Variants in MTMR9 observed in about 807,000 individuals in gnomAD.
MTMR9 encodes the protein myotubularin-related protein 9.
A neutral mutation model predicts 69.5 loss-of-function variants in MTMR9; 39 were observed. The observed-to-expected ratio is 0.56, with a 90% CI of 0.43 to 0.73. The LOEUF (loss-of-function observed/expected upper bound fraction) is 0.73, where lower values mean the gene tolerates loss of function less well. Among genes scored for constraint, MTMR9 ranks in the 30% least tolerant of loss-of-function variants. MTMR9 has a pLI of 0.00. For synonymous variants in MTMR9, 354 were observed against 240.8 expected (o/e 1.47, Z -4.35); for missense variants, 900 against 671.2 (o/e 1.34, Z -3.77).
intron 6 of MTMR9, 61 bp from the exon 7 acceptor site, chr8:11,314,862 C>G: frequency 1.3e-6 from 2 of 1,533,234 alleles, no homozygotes; most frequent in Non-Finnish European, 1.8e-6. Flanking sequence ...TTGTTATTAA[C>G]AGAGTTCATT....
chr8:11,317,205 C>G (rs1444333523), intron 8 of MTMR9: 2 of 172,052 alleles, frequency 1.2e-5, no homozygotes, highest in East Asian at 1.5e-4. Flanking sequence ...TAATTCAGGT[C>G]TTCCCTCTAA....
chr8:11,294,570 C>T (rs1313090659), intron 1 of MTMR9, among the ~76,000 whole-genome samples: 2 of 138,982 alleles, frequency 1.4e-5, no homozygotes, highest in Non-Finnish European at 3.0e-5. Context: ...GGCTCAGACT[C>T]GGCTCACTGC....
rs1192425872 is a variant in MTMR9, at chr8:11,326,538, T to C, written c.*3750T>C. On this transcript the variant is annotated 3_prime_UTR_variant, in exon 10 of 10. Transcript: ENST00000221086. ...AGAACTGAAGAGGTTCAGAGAACTT[T>C]CCAGGTTTATACTATACCTCAAGAC... The C allele has an allele frequency of 6.6e-6, 1 of 152,202 alleles. No homozygotes were observed. Among genetic ancestry groups the C allele is most frequent in the African/African-American group, 2.4e-5 (1 of 41,428 alleles). The allele number at this position is 152,202 out of a possible 1,614,324, so 9.4% of individuals were successfully genotyped here. A position where few individuals can be genotyped will look rare whatever the true frequency, so the allele number is the denominator to read the frequency against.
chr8:11,304,940 C>T lies in MTMR9; in HGVS notation c.517C>T (p.Leu173Phe). The part of the protein sequence containing the change: ...TVPKSIDDEA[L>F]RKVATFRHGG... ...GCCCAAATCCATCGATGATGAAGCT[C>T]TTCGGAAGGTAGCTACATTTCGACA... The change falls in exon 4 of 10, where the codon CTT becomes TTT. Residue 173 changes from leucine (L) to phenylalanine (F), a missense_variant. By Grantham distance (22) the Leu-to-Phe change is conservative. Coordinates refer to ENST00000221086, the MANE Select transcript of MTMR9 (RefSeq NM_015458.4). The T allele has an allele frequency of 6.2e-7, 1 of 1,614,032 alleles. No homozygotes were observed. Among genetic ancestry groups the T allele is most frequent in the Non-Finnish European group, 8.5e-7 (1 of 1,179,916 alleles).
chr8:11,335,419 G>T, the MTMR9 span, among the ~76,000 whole-genome samples: 2 of 151,870 alleles, frequency 1.3e-5, no homozygotes, highest in Admixed American at 6.6e-5. Flanking sequence ...AATCAGAGAT[G>T]AACTAAATAA....
downstream of MTMR9, among the ~76,000 whole-genome samples, chr8:11,330,639 G>C (rs531591975): frequency 6.6e-6 from 1 of 152,240 alleles, no homozygotes; most frequent in Non-Finnish European, 1.5e-5. Flanking sequence ...GCTCTCTGGG[G>C]CATGTGCTGT....
Position 11,300,138 on chromosome 8 carries a change from A to G in MTMR9, c.407A>G (p.Tyr136Cys), listed in dbSNP as rs761536304. The G allele has an allele frequency of 1.3e-5, 21 of 1,612,972 alleles. No homozygotes were observed. Among genetic ancestry groups the G allele is most frequent in the African/African-American group, 2.7e-5 (2 of 74,888 alleles). The change falls in exon 3 of 10, where the codon TAT becomes TGT. Residue 136 changes from tyrosine (Y) to cysteine (C), a missense_variant. Coordinates refer to ENST00000221086, the MANE Select transcript of MTMR9 (RefSeq NM_015458.4). ...CTTCCTGAGCAAGAATTTGAACTCT[A>G]TTCTTCAGCTGTGAGTTAACTTTTG... is the stretch of plus-strand genomic sequence containing the variant. ...SFLPEQEFEL[Y>C]SSATSEWRLS... is the part of the protein sequence containing the mutation.
chr8:11,297,214 T>C (rs1208812586), intron 2 of MTMR9, among the ~76,000 whole-genome samples: 2 of 152,154 alleles, frequency 1.3e-5, no homozygotes, highest in Non-Finnish European at 1.5e-5. Flanking sequence ...GAAGTAGGAT[T>C]TTAGTGATTT....
chr8:11,331,938 C>T (rs748365495), downstream of MTMR9: 3 of 1,612,024 alleles, frequency 1.9e-6, no homozygotes, highest in South Asian at 2.2e-5. Flanking sequence ...CACCAAGGCC[C>T]ACCCTGCCCT....
In MTMR9 at chr8:11,301,595, CAG is replaced by C. The variant is rs544186416; in HGVS notation, c.417+1451_417+1452del. ...AAAATCTTTATGACCTTCAGTTAGA[CAG>C]AGATTTTTTAGATATGACACCAAAA... On this transcript the variant is annotated intron_variant, in intron 3 of 9. Coordinates refer to ENST00000221086, the MANE Select transcript of MTMR9 (RefSeq NM_015458.4). Among the ~76,000 whole-genome samples, 503 of 152,274 alleles carry C rather than the reference CAG, an allele frequency of 3.3e-3. 1 individual carries two copies. Among genetic ancestry groups the C allele is most frequent in the African/African-American group, 0.012 (482 of 41,552 alleles).
chr8:11,306,888 C>A (rs960804054), intron 5 of MTMR9, among the ~76,000 whole-genome samples: 2 of 152,150 alleles, frequency 1.3e-5, no homozygotes, highest in African/African-American at 4.8e-5. Flanking sequence ...GCTACTTTCT[C>A]TTCCTCTGGC....
rs776498985 is a variant in MTMR9 at position 11,300,044 on chromosome 8, A to G, written c.313A>G (p.Ile105Val). Reference sequence around the variant, plus strand: ...CCAGGCATTGTCTACTCTGGACTCCATCACTCTGATGTACCCTTTCTTTTA... The same window carrying G: ...CCAGGCATTGTCTACTCTGGACTCCGTCACTCTGATGTACCCTTTCTTTTA... ...SIEALSTLDS[I>V]TLMYPFFYRP... is the part of the protein sequence containing the mutation. The change falls in exon 3 of 10, where the codon ATC (isoleucine) becomes GTC (valine). Residue 105 changes from isoleucine to valine, a missense_variant. Physicochemically the swap from Ile to Val is conservative, Grantham distance 29 (BLOSUM62 3). Transcript: ENST00000221086. 7 of 1,613,436 alleles carry G rather than the reference A, an allele frequency of 4.3e-6. No individual in the cohort carries two copies. The Admixed American group carries it at 1.2e-4, about 27-fold the overall frequency.
chr8:11,306,491 G>A, intron 5 of MTMR9, 84 bp downstream of exon 5: 1 of 1,236,668 alleles, frequency 8.1e-7, no homozygotes. Flanking sequence ...AATCACAAGT[G>A]CTCAAATTAA....
rs1481013893 is a variant in MTMR9, at chr8:11,306,183, C to G, written c.592-7C>G. ...CTGTTGAATTTTCAGCTTTATTATG[C>G]TTCTAGGTAATTATGCGAAGTGGTC... is the stretch of plus-strand genomic sequence containing the variant. On this transcript the variant is annotated splice_region_variant and splice_polypyrimidine_tract_variant and intron_variant, in intron 4 of 9. Coordinates refer to ENST00000221086, the MANE Select transcript of MTMR9 (RefSeq NM_015458.4). 1 of 1,611,580 alleles carries G rather than the reference C, an allele frequency of 6.2e-7. No individual in the cohort carries two copies.
intron 5 of MTMR9, 117 bp downstream of exon 5, chr8:11,306,524 A>G (rs756904384): frequency 4.6e-5 from 39 of 850,436 alleles, no homozygotes; most frequent in Non-Finnish European, 5.4e-5. Flanking sequence ...TTTAGGGTCA[A>G]TGATGGGCTA....
At position 11,325,923 on chromosome 8, in the gene MTMR9, A is replaced by G. The variant is rs1800911652; in HGVS notation, c.*3135A>G. 1 of 152,302 alleles carries G rather than the reference A, an allele frequency of 6.6e-6. No homozygotes were observed. The highest frequency in any genetic ancestry group is 2.1e-4 in the South Asian group (1 of 4,828). The allele number at this position is 152,302 out of a possible 1,614,324, so 9.4% of individuals were successfully genotyped here. ...TTTGAGAAGACTTGGGGGGGACAATAATAGACATTCATGTCAGATCCCATA... is the reference window on the plus strand; with the variant it reads ...TTTGAGAAGACTTGGGGGGGACAATGATAGACATTCATGTCAGATCCCATA... On this transcript the variant is annotated 3_prime_UTR_variant, in exon 10 of 10. Coordinates refer to ENST00000221086, the MANE Select transcript of MTMR9 (RefSeq NM_015458.4).
rs1236086543 is a variant in MTMR9, at chr8:11,326,808, A to G, written c.*4020A>G. ...ACACGGTGAAAACCCATGTCTACTA[A>G]AAATACAAAAAATTAGCCAGGTGTG... On this transcript the variant is annotated 3_prime_UTR_variant, in exon 10 of 10. Transcript: ENST00000221086. The G allele has an allele frequency of 6.6e-6, 1 of 152,232 alleles. No individual in the cohort carries two copies. Among genetic ancestry groups the G allele is most frequent in the East Asian group, 1.9e-4 (1 of 5,190 alleles). The allele number at this position is 152,232 out of a possible 1,614,324, so 9.4% of individuals were successfully genotyped here.
At chr8:11,309,871 G>C (rs1387880045) in intron 6 of MTMR9, among the ~76,000 whole-genome samples, 183 bp downstream of exon 6, 1 of 152,006 alleles carries the variant, frequency 6.6e-6, no homozygotes, top group Non-Finnish European at 1.5e-5. Context: ...GATAATGTTT[G>C]TTTCATAAAT....
Position 11,325,616 on chromosome 8 carries a change from C to T in MTMR9, c.*2828C>T, listed in dbSNP as rs1324358018. 1 of 151,540 alleles carries T rather than the reference C, an allele frequency of 6.6e-6. No homozygotes were observed. Among genetic ancestry groups the T allele is most frequent in the Non-Finnish European group, 1.5e-5 (1 of 67,952 alleles). The allele number at this position is 151,540 out of a possible 1,614,324, so 9.4% of individuals were successfully genotyped here. ...TTAAAATACAAAGGATCACCACAAT[C>T]CTCTATTGAACATATAAGGATCCTC... On this transcript the variant is annotated 3_prime_UTR_variant, in exon 10 of 10. Coordinates refer to ENST00000221086, the MANE Select transcript of MTMR9 (RefSeq NM_015458.4).
Sources: allele counts gnomAD v4.1 joint callset (sites outside exome capture counted in the v4.1 genomes callset), GRCh38; gene constraint gnomAD v4.1.1; transcripts MANE v1.5; gene names NCBI Gene and HGNC (gene_info 2026-07-23, HGNC 2026-07-21).